CPAMD8: variants seen among roughly 807,000 people sequenced by gnomAD.
CPAMD8 encodes the protein C3 and PZP-like alpha-2-macroglobulin domain-containing protein 8.
In CPAMD8, 146 loss-of-function variants were observed where a neutral mutation model predicts 224.7. The observed-to-expected ratio is 0.65, with a 90% CI of 0.57 to 0.75. CPAMD8 has a LOEUF of 0.75. CPAMD8 is among the 30% of genes least tolerant of loss of function. The pLI is 0.00. For missense variants in CPAMD8, 2,301 were observed against 2,537.5 expected (o/e 0.91, Z 2.00); for synonymous variants, 966 against 1,044.6 (o/e 0.92, Z 1.45).
Position 16,903,571 on chromosome 19 carries a change from C to A in CPAMD8, c.4460G>T (p.Cys1487Phe). The change falls in exon 34 of 42, where the codon TGC (cysteine) becomes TTC (phenylalanine). Residue 1487 changes from cysteine (C) to phenylalanine (F), a missense_variant. Physicochemically the swap from Cys to Phe is radical, Grantham distance 205 (BLOSUM62 -2). Coordinates refer to ENST00000443236, the MANE Select transcript of CPAMD8 (RefSeq NM_015692.5). ...LFVSAKGDGCCLMQIDVTYNV... is the reference protein window; with the variant it reads ...LFVSAKGDGCFLMQIDVTYNV... Reference sequence around the variant, plus strand: ...TCCCCAAAACCTCACCTGCATCAGGCAGCAGCCGTCCCCCTTGGCACTCAC... The same window carrying A: ...TCCCCAAAACCTCACCTGCATCAGGAAGCAGCCGTCCCCCTTGGCACTCAC... 6.2e-7 allele frequency: 1 copy of A among 1,614,114 alleles called. No individual in the cohort carries two copies. Among genetic ancestry groups the A allele is most frequent in the Admixed American group, 1.7e-5 (1 of 60,014 alleles).
At chr19:16,982,723 A>G (rs2055558105) in intron 13 of CPAMD8, among the ~76,000 whole-genome samples, 1 of 152,052 alleles carries the variant, frequency 6.6e-6, no homozygotes, top group African/African-American at 2.4e-5. Context: ...CCATAGTCCC[A>G]GCTATCTAGG....
intron 12 of CPAMD8, among the ~76,000 whole-genome samples, chr19:16,991,976 G>C (rs1219387169): frequency 2.0e-5 from 3 of 152,154 alleles, no homozygotes; most frequent in Non-Finnish European, 2.9e-5. Context: ...TGGCAAGGCA[G>C]TGGCTTCAGT....
At chr19:16,948,299 GGA>G (rs2054172704) in intron 20 of CPAMD8, among the ~76,000 whole-genome samples, 1 of 152,196 alleles carries the variant, frequency 6.6e-6, no homozygotes, top group South Asian at 2.1e-4. Context: ...GGTGTGATGT[GGA>G]GAGAAGCATG....
chr19:16,903,682 C>G lies in CPAMD8; in HGVS notation c.4407+20G>C, dbSNP rs1172114222. 2.3e-5 allele frequency: 37 copies of G among 1,614,058 alleles called. No individual in the cohort carries two copies. The highest frequency in any genetic ancestry group is 3.1e-5 in the Non-Finnish European group (36 of 1,179,960). On this transcript the variant is annotated intron_variant, in intron 33 of 41. Coordinates refer to ENST00000443236, the MANE Select transcript of CPAMD8 (RefSeq NM_015692.5). ...CCCCTCCTCCAACAACCCCCAAACC[C>G]TCATCCCAGGAACACGCACCGCTGC...
intron 11 of CPAMD8, among the ~76,000 whole-genome samples, chr19:16,996,731 A>G (rs1387106007): frequency 6.6e-6 from 1 of 151,624 alleles, no homozygotes; most frequent in African/African-American, 2.4e-5. Flanking sequence ...AGGCAGGAGA[A>G]TCACTTGAAC....
chr19:16,975,907 C>T, intron 16 of CPAMD8, 95 bp downstream of exon 16: 1 of 1,280,108 alleles, frequency 7.8e-7, no homozygotes, highest in Non-Finnish European at 1.0e-6. Flanking sequence ...TCAAATGCCA[C>T]TCTTCATTTA....
At chr19:16,976,755 G>T (rs1381629041) in intron 15 of CPAMD8, among the ~76,000 whole-genome samples, 1 of 151,810 alleles carries the variant, frequency 6.6e-6, no homozygotes, top group Non-Finnish European at 1.5e-5. Flanking sequence ...CAAGTTGCAG[G>T]GAGGAGCCAG....
intron 13 of CPAMD8, among the ~76,000 whole-genome samples, chr19:16,987,522 T>A (rs969160853): frequency 1.3e-5 from 2 of 151,956 alleles, no homozygotes; most frequent in African/African-American, 4.8e-5. Context: ...CGTAAGAAAA[T>A]CTTATGATTT....
intron 22 of CPAMD8, among the ~76,000 whole-genome samples, chr19:16,943,031 A>C (rs112392784): frequency 1.5e-5 from 2 of 137,896 alleles, no homozygotes; most frequent in African/African-American, 5.6e-5. Flanking sequence ...TTTTTGAGAC[A>C]GGGTCTGGCT....
At chr19:16,997,369 A>G in intron 10 of CPAMD8, 31 bp from the exon 11 acceptor site, 1 of 1,321,042 alleles carries the variant, frequency 7.6e-7, no homozygotes, top group Non-Finnish European at 1.1e-6. Context: ...GCCCGTGCTC[A>G]CTCAGGGTTG....
At position 16,989,751 on chromosome 19, in the gene CPAMD8, G is replaced by C. The variant is rs564104377; in HGVS notation, c.1287C>G (p.Asn429Lys). ...VWLETKVMAL[N>K]GKPVGAQYLP... ...GGTACTGAGCCCCCACAGGCTTCCC[G>C]TTCAGTGCCATCACCTTGGTCTGAG... Residue 429 changes from asparagine (N) to lysine (K), a missense_variant, in exon 13 of 42, where the codon AAC becomes AAG. By Grantham distance (94) the Asn-to-Lys change is moderately conservative (BLOSUM62 0). Around this residue, in one of 4 missense-constraint regions of CPAMD8, gnomAD observed 301 missense variants for 406.6 expected, o/e 0.74. Transcript: ENST00000443236. 2 of 1,613,812 alleles carry C rather than the reference G, an allele frequency of 1.2e-6. No homozygotes were observed. The highest frequency in any genetic ancestry group is 2.7e-5 in the African/African-American group (2 of 74,924).
At chr19:17,003,781 A>AG (rs2056403818) in intron 8 of CPAMD8, among the ~76,000 whole-genome samples, 1 of 149,836 alleles carries the variant, frequency 6.7e-6, no homozygotes, top group East Asian at 2.0e-4. Flanking sequence ...CCTGCCTCAA[A>AG]AAAAAAAAAA....
At chr19:16,977,319 GC>G in intron 15 of CPAMD8, 48 bp downstream of exon 15, 1 of 1,340,274 alleles carries the variant, frequency 7.5e-7, no homozygotes, top group Non-Finnish European at 1.1e-6. Flanking sequence ...CCTTGGAGAA[GC>G]CCCGATGGCC....
intron 9 of CPAMD8, 100 bp downstream of exon 9, chr19:17,002,166 G>T: frequency 1.3e-6 from 1 of 757,894 alleles, no homozygotes; most frequent in Non-Finnish European, 2.3e-6. Flanking sequence ...GTGGGAGGGA[G>T]GGAGGCAGCA....
rs1242123184 is a variant in CPAMD8, at chr19:16,898,532, G to A, written c.4849-538C>T. Reference sequence around the variant, plus strand: ...TGGGAGTCAGCACATTCACGATACTGTGCAATCATCACCTCTGTCTAGTTA... The same window carrying A: ...TGGGAGTCAGCACATTCACGATACTATGCAATCATCACCTCTGTCTAGTTA... On this transcript the variant is annotated intron_variant, in intron 37 of 41. Transcript: ENST00000443236. This position sits in a 1 kb window ranked among gnomAD's most constrained non-coding sequence, Gnocchi z 4.2. Among the ~76,000 whole-genome samples, 1 of 152,024 alleles carries A rather than the reference G, an allele frequency of 6.6e-6. No individual in the cohort carries two copies. The highest frequency in any genetic ancestry group is 2.4e-5 in the African/African-American group (1 of 41,380).
chr19:16,902,626 G>A (rs778992773), intron 35 of CPAMD8, 23 bp downstream of exon 35: 13 of 1,522,804 alleles, frequency 8.5e-6, no homozygotes, highest in East Asian at 2.3e-5. Context: ...GGATGCCCAC[G>A]CCAGCAGGGC....
At chr19:16,896,846 T>C (rs527608875) in intron 39 of CPAMD8, 181 bp from the exon 40 acceptor site, 7 of 426,002 alleles carry the variant, frequency 1.6e-5, no homozygotes, top group African/African-American at 1.2e-4. Flanking sequence ...ACGCAGGTAT[T>C]TGCCTAATAC....
At chr19:16,985,702 T>C (rs2055696558) in intron 13 of CPAMD8, among the ~76,000 whole-genome samples, 1 of 143,952 alleles carries the variant, frequency 6.9e-6, no homozygotes, top group Non-Finnish European at 1.5e-5. Flanking sequence ...GGTGGATGGA[T>C]GGAGGGAAGA....
chr19:16,961,429 G>A (rs1377972266), intron 18 of CPAMD8, among the ~76,000 whole-genome samples: 3 of 152,256 alleles, frequency 2.0e-5, no homozygotes, highest in Non-Finnish European at 4.4e-5. Context: ...AGCAGTCTGA[G>A]ATCGAACTGC....
Sources: gnomAD v4.1 joint callset for allele counts (sites outside exome capture counted in the v4.1 genomes callset) on GRCh38, gnomAD v4.1.1 for gene constraint, gnomAD v4.1.1 regional missense constraint, Gnocchi (gnomAD v3.1) non-coding constraint, MANE v1.5 for transcripts, NCBI Gene and HGNC (gene_info 2026-07-23, HGNC 2026-07-21) for gene names.